EPHB1: variants seen among roughly 807,000 people sequenced by gnomAD.
EPHB1 encodes EPH receptor B1, also known as ephrin type-B receptor 1.
Under a neutral mutation model 94.4 loss-of-function variants are expected in EPHB1, and 30 were observed. That is an observed-to-expected ratio of 0.32 (90% confidence interval 0.24 to 0.43). EPHB1 has a LOEUF of 0.43. Among genes scored for constraint, EPHB1 ranks in the 20% least tolerant of loss-of-function variants. The pLI is 1.00. For missense variants in EPHB1, 1,055 were observed against 1,308.3 expected, an observed-to-expected ratio of 0.81 and a Z score of 2.99; for synonymous variants, 522 against 489.1, an observed-to-expected ratio of 1.07 and a Z score of -0.89.
rs370076904 is a variant in EPHB1, at chr3:134,903,733, G to A, written c.59-22083G>A. Among the ~76,000 whole-genome samples the A allele has an allele frequency of 3.9e-5, 6 of 152,298 alleles. No individual in the cohort carries two copies. In the South Asian group the frequency reaches 1.2e-3, roughly 32 times the overall value. On this transcript the variant is annotated intron_variant, in intron 1 of 15. Transcript: ENST00000398015. ...AAGGTAAGAATTCTATCAAAGGTAAGAATTAGGTAATAGATTAACCAGACA... is the reference window on the plus strand; with the variant it reads ...AAGGTAAGAATTCTATCAAAGGTAAAAATTAGGTAATAGATTAACCAGACA...
At chr3:134,983,555 A>AT in intron 3 of EPHB1, among the ~76,000 whole-genome samples, 1 of 152,370 alleles carries the variant, frequency 6.6e-6, no homozygotes, top group East Asian at 1.9e-4. Context: ...TTTTAGAGCA[A>AT]GAAGGGAAAT....
chr3:134,846,325 A>G (rs530860254), intron 1 of EPHB1, among the ~76,000 whole-genome samples: 32 of 152,300 alleles, frequency 2.1e-4, no homozygotes, highest in African/African-American at 6.3e-4. Context: ...GCACGTTGCA[A>G]TCTGCCGGGG....
chr3:134,853,638 G>A (rs1370619295), intron 1 of EPHB1, among the ~76,000 whole-genome samples: 2 of 152,200 alleles, frequency 1.3e-5, no homozygotes, highest in Non-Finnish European at 2.9e-5. Context: ...TCTGGAGCTC[G>A]GAGGAGAGGT....
chr3:134,948,260 A>G (rs541115739), intron 2 of EPHB1, among the ~76,000 whole-genome samples: 1 of 151,772 alleles, frequency 6.6e-6, no homozygotes, highest in South Asian at 2.1e-4. Context: ...GAGGGGCCCC[A>G]TGTGTGTACT....
At position 135,248,420 on chromosome 3, in the gene EPHB1, C is replaced by T. The variant is rs1389780122; in HGVS notation, c.2601C>T (p.Ser867=). The change falls in exon 14 of 16, where the codon AGC becomes AGT. Residue 867 remains serine (S), a synonymous_variant. Coordinates refer to ENST00000398015, the MANE Select transcript of EPHB1 (RefSeq NM_004441.5). ...MLDCWQKDRN[S]RPRFAEIVNT... ...ACTGTTGGCAGAAGGACCGGAACAGCCGGCCCCGGTTTGCGGAGATTGTCA... is the reference window on the plus strand; with the variant it reads ...ACTGTTGGCAGAAGGACCGGAACAGTCGGCCCCGGTTTGCGGAGATTGTCA... 2 of 1,613,966 alleles carry T rather than the reference C, an allele frequency of 1.2e-6. No individual in the cohort carries two copies. Among genetic ancestry groups the T allele is most frequent in the East Asian group, 2.2e-5 (1 of 44,864 alleles).
chr3:135,085,527 A>G (rs770739506), intron 3 of EPHB1, among the ~76,000 whole-genome samples: 2 of 152,228 alleles, frequency 1.3e-5, no homozygotes, highest in Non-Finnish European at 2.9e-5. Context: ...GATTGTAAAG[A>G]TGCCAAGGAA....
At chr3:134,860,596 C>T (rs188346162) in intron 1 of EPHB1, among the ~76,000 whole-genome samples, 3 of 152,204 alleles carry the variant, frequency 2.0e-5, no homozygotes, top group Admixed American at 1.3e-4. Context: ...GGGCAGATCA[C>T]GATGTCAGGA....
At chr3:134,801,788 G>T (rs1041269730) in intron 1 of EPHB1, among the ~76,000 whole-genome samples, 1 of 152,170 alleles carries the variant, frequency 6.6e-6, no homozygotes, top group Admixed American at 6.5e-5. Flanking sequence ...ATGCTTGGGT[G>T]GGGGGCATTG....
intron 9 of EPHB1, among the ~76,000 whole-genome samples, chr3:135,175,854 G>T (rs559163265): frequency 6.6e-6 from 1 of 152,242 alleles, no homozygotes; most frequent in Non-Finnish European, 1.5e-5. Flanking sequence ...GTTTGGCTGT[G>T]CCTGACTCTG....
intron 12 of EPHB1, among the ~76,000 whole-genome samples, chr3:135,213,020 T>A (rs1037570271): frequency 6.6e-6 from 1 of 152,220 alleles, no homozygotes; most frequent in African/African-American, 2.4e-5. Flanking sequence ...CTTTTTAACA[T>A]CACCATCTTC....
rs554557629 is a variant in EPHB1, at chr3:134,875,925, A to C, written c.59-49891A>C. The stretch of plus-strand genomic sequence containing the variant: ...GAGCCAGCCTCCACTCAGCTGCCAG[A>C]GGGAGCTTTCTAAACTGCACACTTG... On this transcript the variant is annotated intron_variant, in intron 1 of 15. Coordinates refer to ENST00000398015, the MANE Select transcript of EPHB1 (RefSeq NM_004441.5). Among the ~76,000 whole-genome samples, 33 of 152,240 alleles carry C rather than the reference A, an allele frequency of 2.2e-4. No homozygotes were observed. In the South Asian group the frequency reaches 6.4e-3, roughly 30 times the overall value.
chr3:135,152,098 C>G (rs1379817600), intron 5 of EPHB1, among the ~76,000 whole-genome samples: 2 of 152,100 alleles, frequency 1.3e-5, no homozygotes, highest in African/African-American at 2.4e-5. Context: ...GGAACATGGT[C>G]TCATTTGGAA....
intron 3 of EPHB1, among the ~76,000 whole-genome samples, chr3:135,079,936 C>T (rs984205105): frequency 2.0e-5 from 3 of 152,048 alleles, no homozygotes; most frequent in Non-Finnish European, 4.4e-5. Flanking sequence ...CTGTGTCCAG[C>T]GGGGTACCTG....
intron 6 of EPHB1, among the ~76,000 whole-genome samples, chr3:135,158,448 T>C (rs1941417981): frequency 6.6e-6 from 1 of 152,214 alleles, no homozygotes; most frequent in Non-Finnish European, 1.5e-5. Context: ...TGCAAATTGA[T>C]GGGCATGGCT....
intron 4 of EPHB1, among the ~76,000 whole-genome samples, chr3:135,120,725 C>G (rs1445731061): frequency 5.9e-5 from 9 of 152,200 alleles, no homozygotes; most frequent in Admixed American, 6.5e-5. Flanking sequence ...GCACATGTCT[C>G]TTTTACAGCT....
intron 3 of EPHB1, among the ~76,000 whole-genome samples, chr3:134,987,471 C>A (rs1011878911): frequency 6.6e-6 from 1 of 152,064 alleles, no homozygotes; most frequent in African/African-American, 2.4e-5. Flanking sequence ...CAGAAAAGAC[C>A]ATGTGAGGCC....
chr3:135,069,154 G>A (rs1026723944), intron 3 of EPHB1, among the ~76,000 whole-genome samples: 2 of 151,382 alleles, frequency 1.3e-5, no homozygotes, highest in Non-Finnish European at 2.9e-5. Context: ...AAATATTTAT[G>A]CTTATGATTT....
At chr3:135,012,894 C>T (rs1469762094) in intron 3 of EPHB1, among the ~76,000 whole-genome samples, 4 of 152,182 alleles carry the variant, frequency 2.6e-5, no homozygotes, top group Admixed American at 2.0e-4. Context: ...TGAGTAAAAG[C>T]CACATACACC....
At chr3:134,798,721 G>T (rs1046024331) in intron 1 of EPHB1, among the ~76,000 whole-genome samples, 2 of 152,200 alleles carry the variant, frequency 1.3e-5, no homozygotes, top group African/African-American at 4.8e-5. Flanking sequence ...CTGAGAGCTT[G>T]TTGAGAATGG....
Sources: allele counts gnomAD v4.1 joint callset (sites outside exome capture counted in the v4.1 genomes callset), GRCh38; gene constraint gnomAD v4.1.1; transcripts MANE v1.5; gene names NCBI Gene and HGNC (gene_info 2026-07-23, HGNC 2026-07-21).